GRAP2: variants seen among roughly 807,000 people sequenced by gnomAD.
GRAP2 encodes the protein GRB2 related adaptor protein 2, also known as GRB2-related adapter protein 2.
A neutral mutation model predicts 43.5 loss-of-function variants in GRAP2; 31 were observed. That is an observed-to-expected ratio of 0.71 (90% CI 0.54 to 0.96). GRAP2 has a LOEUF of 0.96. Ranked by LOEUF, GRAP2 falls within the 40% of genes least tolerant of loss-of-function variation. The probability of loss-of-function intolerance (pLI) is 0.00; values close to 1 mark genes in which losing one functional copy is unlikely to be tolerated. For missense variants in GRAP2, 371 were observed against 424.4 expected (o/e 0.87, Z 1.11); for synonymous variants, 156 against 164.8 (o/e 0.95, Z 0.41).
chr22:39,932,378 G>C (rs1300444034), intron 1 of GRAP2, among the ~76,000 whole-genome samples: 1 of 152,078 alleles, frequency 6.6e-6, no homozygotes, highest in Non-Finnish European at 1.5e-5. Context: ...GCCACAACAT[G>C]TCTTAATAGT....
intron 2 of GRAP2, among the ~76,000 whole-genome samples, chr22:39,955,615 G>A (rs558314626): frequency 1.3e-5 from 2 of 152,228 alleles, no homozygotes; most frequent in Non-Finnish European, 2.9e-5. Flanking sequence ...AATAACCTGG[G>A]GTCAGGAGAA....
At chr22:39,947,413 G>T in intron 2 of GRAP2, 1 of 531,676 alleles carries the variant, frequency 1.9e-6, no homozygotes, top group Non-Finnish European at 3.4e-6. Flanking sequence ...TCTGGAGAGG[G>T]GAACACATCC....
intron 1 of GRAP2, among the ~76,000 whole-genome samples, chr22:39,940,069 A>G (rs1425239667): frequency 6.6e-6 from 1 of 152,192 alleles, no homozygotes; most frequent in Non-Finnish European, 1.5e-5. Flanking sequence ...GCACCTAGCC[A>G]CAGAGCCGCA....
chr22:39,916,944 AT>A (rs2066608149), intron 1 of GRAP2, among the ~76,000 whole-genome samples: 1 of 152,154 alleles, frequency 6.6e-6, no homozygotes, highest in South Asian at 2.1e-4. Context: ...GTACTCAATA[AT>A]TATTATTATC....
intron 1 of GRAP2, among the ~76,000 whole-genome samples, chr22:39,915,299 G>A (rs545351985): frequency 4.0e-5 from 6 of 151,242 alleles, no homozygotes; most frequent in Non-Finnish European, 7.4e-5. Flanking sequence ...TGTGTTTCAC[G>A]GGGCACTGCT....
chr22:39,948,261 A>C (rs890081731), intron 2 of GRAP2: 1 of 152,170 alleles, frequency 6.6e-6, no homozygotes, highest in African/African-American at 2.4e-5. Context: ...CATAGTGGCA[A>C]AGCATAGGCC....
intron 1 of GRAP2, among the ~76,000 whole-genome samples, chr22:39,916,699 T>C (rs1198394728): frequency 6.6e-6 from 1 of 152,202 alleles, no homozygotes; most frequent in Non-Finnish European, 1.5e-5. Context: ...CAATGCCAGG[T>C]CACATTGCAC....
intron 1 of GRAP2, among the ~76,000 whole-genome samples, chr22:39,918,436 C>T (rs762872049): frequency 5.8e-4 from 88 of 152,206 alleles, no homozygotes; most frequent in Non-Finnish European, 1.1e-3. Context: ...CCTGACTCTG[C>T]CATTCACCTC....
Position 39,972,095 on chromosome 22 carries a change from C to T in GRAP2, c.*1011C>T, listed in dbSNP as rs1218344203. ...GACCCCAGGTGGAAGCTGGCTTTGA[C>T]ACCAGCTTCCTGTTCAGTCTGACCA... On this transcript the variant is annotated 3_prime_UTR_variant, in exon 8 of 8. Transcript: ENST00000344138. 6.6e-6 allele frequency: 1 copy of T among 152,266 alleles called. No homozygotes were observed. Among genetic ancestry groups the T allele is most frequent in the Non-Finnish European group, 1.5e-5 (1 of 68,054 alleles). The allele number at this position is 152,266 out of a possible 1,614,324, so 9.4% of individuals were successfully genotyped here.
chr22:39,926,500 A>AAAT, intron 1 of GRAP2: 1 of 528,736 alleles, frequency 1.9e-6, no homozygotes, highest in Non-Finnish European at 2.4e-6. Context: ...AAAAAAAAAA[A>AAAT]GGAAAAGAGC....
At chr22:39,937,746 G>A (rs1333192851) in intron 1 of GRAP2, among the ~76,000 whole-genome samples, 3 of 152,060 alleles carry the variant, frequency 2.0e-5, no homozygotes, top group South Asian at 2.1e-4. Context: ...ATGGTTCTCC[G>A]GCTACAAAGT....
chr22:39,947,065 C>G (rs1343803313), intron 1 of GRAP2, 28 bp from the exon 2 acceptor site: 1 of 1,314,710 alleles, frequency 7.6e-7, no homozygotes, highest in African/African-American at 1.4e-5. Context: ...GGCAGAGAGG[C>G]ACAATGACCA....
rs536660482 is a variant in GRAP2, at chr22:39,971,334, G to A, written c.*250G>A. The A allele has an allele frequency of 3.8e-4, 183 of 477,384 alleles. 3 individuals are homozygous for A. In the South Asian group the frequency reaches 6.0e-3, roughly 16 times the overall value. The allele number at this position is 477,384 out of a possible 1,614,324, so 29.6% of individuals were successfully genotyped here. A position where few individuals can be genotyped will look rare whatever the true frequency, so the allele number is the denominator to read the frequency against. ...CTCAGGGGTGTGTGGAAGGCAGTGG[G>A]GGAGTTGGGAGGGGGGCAGGGAAAT... On this transcript the variant is annotated 3_prime_UTR_variant, in exon 8 of 8. Coordinates refer to ENST00000344138, the MANE Select transcript of GRAP2 (RefSeq NM_004810.4).
At chr22:39,906,455 G>T (rs902416153) in intron 1 of GRAP2, among the ~76,000 whole-genome samples, 7 of 152,040 alleles carry the variant, frequency 4.6e-5, no homozygotes, top group Admixed American at 3.3e-4. Flanking sequence ...TTACAAAAGG[G>T]TTCGACTGCT....
intron 1 of GRAP2, among the ~76,000 whole-genome samples, chr22:39,934,727 G>A (rs755644869): frequency 8.6e-5 from 13 of 151,972 alleles, no homozygotes; most frequent in Admixed American, 3.9e-4. Context: ...AAACAGCAGC[G>A]GGGTGTGGGG....
At chr22:39,894,720 A>C in the GRAP2 span, among the ~76,000 whole-genome samples, 1 of 152,178 alleles carries the variant, frequency 6.6e-6, no homozygotes, top group Non-Finnish European at 1.5e-5. Context: ...TTCCGTGAGC[A>C]CCCACTTTGT....
Position 39,901,314 on chromosome 22 carries a change from C to T in GRAP2, c.-31C>T, listed in dbSNP as rs1234563389. On this transcript the variant is annotated 5_prime_UTR_variant, in exon 1 of 8. Coordinates refer to ENST00000344138, the MANE Select transcript of GRAP2 (RefSeq NM_004810.4). ...GTCAAAGCCAAGACATAAACTCAACCCCTTCTCTTCCAAAAGGTATGTCAT... is the reference window on the plus strand; with the variant it reads ...GTCAAAGCCAAGACATAAACTCAACTCCTTCTCTTCCAAAAGGTATGTCAT... The T allele has an allele frequency of 8.1e-7, 1 of 1,236,390 alleles. No homozygotes were observed. 76.6% of individuals were successfully genotyped at this position (1,236,390 alleles called of 1,614,324 possible). A position where few individuals can be genotyped will look rare whatever the true frequency, so the allele number is the denominator to read the frequency against.
At chr22:39,962,938 G>A (rs1239389185) in intron 4 of GRAP2, among the ~76,000 whole-genome samples, 1 of 152,092 alleles carries the variant, frequency 6.6e-6, no homozygotes, top group Non-Finnish European at 1.5e-5. Context: ...CAAAGTGCTA[G>A]GATTACAGGC....
intron 2 of GRAP2, among the ~76,000 whole-genome samples, chr22:39,949,952 A>G (rs945117351): frequency 6.6e-6 from 1 of 152,158 alleles, no homozygotes; most frequent in African/African-American, 2.4e-5. Context: ...CTTGCTCAAA[A>G]GCATTCAGGG....
Sources: allele counts gnomAD v4.1 joint callset (sites outside exome capture counted in the v4.1 genomes callset), GRCh38; gene constraint gnomAD v4.1.1; transcripts MANE v1.5; gene names NCBI Gene and HGNC (gene_info 2026-07-23, HGNC 2026-07-21).